The following DDX60 variants were observed in gnomAD, a reference collection of about 807,000 sequenced individuals.
DDX60 encodes the protein probable ATP-dependent RNA helicase DDX60.
Under a neutral mutation model 212.8 loss-of-function variants are expected in DDX60, and 165 were observed. The ratio of observed to expected loss-of-function variants is 0.78; its 90% CI spans 0.68 to 0.88. The LOEUF is 0.88. Among genes scored for constraint, DDX60 ranks in the 40% least tolerant of loss-of-function variants. The pLI is 0.00. For synonymous variants in DDX60, 703 were observed against 685.3 expected, an observed-to-expected ratio of 1.03 and a Z score of -0.40; for missense variants, 1,905 against 2,003.9, an observed-to-expected ratio of 0.95 and a Z score of 0.94.
chr4:168,254,981 G>T (rs1006232550), intron 26 of DDX60, among the ~76,000 whole-genome samples: 2 of 152,168 alleles, frequency 1.3e-5, no homozygotes, highest in Admixed American at 1.3e-4. Context: ...GGCAAAGGAA[G>T]AACATTGAGC....
intron 25 of DDX60, among the ~76,000 whole-genome samples, chr4:168,258,154 A>G (rs1734490128): frequency 1.3e-5 from 1 of 74,616 alleles, no homozygotes; most frequent in Non-Finnish European, 2.9e-5. Context: ...ACAAGAATGA[A>G]TGCGACCTAG....
intron 1 of DDX60, among the ~76,000 whole-genome samples, chr4:168,317,607 G>A (rs1441116635): frequency 1.3e-5 from 2 of 152,156 alleles, no homozygotes; most frequent in Non-Finnish European, 2.9e-5. Flanking sequence ...ATGGCTTCCA[G>A]TACCCGGTAT....
chr4:168,286,001 A>T (rs1393813226), intron 10 of DDX60, among the ~76,000 whole-genome samples: 2 of 141,546 alleles, frequency 1.4e-5, no homozygotes, highest in South Asian at 2.5e-4. Flanking sequence ...AAAGAAAGAA[A>T]GGAGGGAGGG....
chr4:168,294,073 C>A, intron 6 of DDX60, 128 bp from the exon 7 acceptor site: 2 of 749,134 alleles, frequency 2.7e-6, no homozygotes, highest in Non-Finnish European at 4.0e-6. Context: ...AACAAACCCC[C>A]GTGACACAAG....
intron 26 of DDX60, among the ~76,000 whole-genome samples, chr4:168,253,869 T>A (rs1013976738): frequency 6.6e-6 from 1 of 152,214 alleles, no homozygotes; most frequent in Non-Finnish European, 1.5e-5. Context: ...CAATGTAACA[T>A]GCACCCAAGT....
chr4:168,312,727 C>CAGAT (rs61439775), intron 1 of DDX60, among the ~76,000 whole-genome samples: 2,171 of 150,054 alleles, frequency 0.014, 55 homozygotes, highest in African/African-American at 0.051. Flanking sequence ...GATGGATACA[C>CAGAT]AGATAGATAG....
chr4:168,220,947 G>T (rs1733030039), intron 36 of DDX60, among the ~76,000 whole-genome samples: 1 of 152,056 alleles, frequency 6.6e-6, no homozygotes, highest in East Asian at 1.9e-4. Flanking sequence ...AAAATAGGAG[G>T]CTGGCCATCT....
chr4:168,312,772 T>G (rs1386574824), intron 1 of DDX60, among the ~76,000 whole-genome samples: 1 of 91,474 alleles, frequency 1.1e-5, no homozygotes, highest in East Asian at 2.5e-4. Flanking sequence ...GAGATTCCTA[T>G]TCCATGATAG....
At chr4:168,321,589 T>C (rs1737611355), upstream of DDX60, among the ~76,000 whole-genome samples, 1 of 152,192 alleles carries the variant, frequency 6.6e-6, no homozygotes, top group African/African-American at 2.4e-5. Flanking sequence ...TTTTAAATGA[T>C]AGACCATCTC....
In DDX60 at chr4:168,276,017, G is replaced by C. The variant is rs770495011; in HGVS notation, c.2143C>G (p.Gln715Glu). The C allele has an allele frequency of 4.3e-6, 7 of 1,609,276 alleles. No individual in the cohort carries two copies. Among genetic ancestry groups the C allele is most frequent in the Non-Finnish European group, 5.9e-6 (7 of 1,177,176 alleles). Residue 715 changes from glutamine to glutamate, a missense_variant and splice_region_variant, in exon 15 of 38, where the codon CAG becomes GAG. Coordinates refer to ENST00000393743, the MANE Select transcript of DDX60 (RefSeq NM_017631.6). ...DELASSLHPA[Q>E]DAENDVKVKK... ...TTGAGCTATTCTGATAATATTACCTGGGCTGGATGTAAAGAACTTGCCAAC... is the reference window on the plus strand; with the variant it reads ...TTGAGCTATTCTGATAATATTACCTCGGCTGGATGTAAAGAACTTGCCAAC...
At chr4:168,239,774 G>A (rs1041859975) in intron 30 of DDX60, among the ~76,000 whole-genome samples, 1 of 152,052 alleles carries the variant, frequency 6.6e-6, no homozygotes, top group Non-Finnish European at 1.5e-5. Flanking sequence ...AGAGGAAGAA[G>A]TGAGTTTTAC....
intron 30 of DDX60, among the ~76,000 whole-genome samples, chr4:168,238,911 T>C (rs549323126): frequency 6.6e-6 from 1 of 152,118 alleles, no homozygotes; most frequent in Non-Finnish European, 1.5e-5. Context: ...CACTGATATT[T>C]GGGCCAAAAA....
intron 8 of DDX60, among the ~76,000 whole-genome samples, chr4:168,291,452 CCA>C (rs1736096788): frequency 6.6e-6 from 1 of 152,138 alleles, no homozygotes; most frequent in South Asian, 2.1e-4. Flanking sequence ...TAAGAGCAGA[CCA>C]CAGTGATCAC....
chr4:168,237,761 A>C lies in DDX60; in HGVS notation c.4199T>G (p.Phe1400Cys). 1 of 1,611,832 alleles carries C rather than the reference A, an allele frequency of 6.2e-7. No homozygotes were observed. The highest frequency in any genetic ancestry group is 8.5e-7 in the Non-Finnish European group (1 of 1,178,850). ...LSVLKHSLLS[F>C]KQPRVMDMLK... ...CATGTCCATGACTCTGGGTTGCTTG[A>C]AGGACAGCAATGAATGCTTTAGCAC... is the stretch of plus-strand genomic sequence containing the variant. Residue 1400 changes from phenylalanine to cysteine, a missense_variant, in exon 31 of 38, where the codon TTC becomes TGC. By Grantham distance (205) the Phe-to-Cys change is radical (BLOSUM62 -2). Coordinates refer to ENST00000393743, the MANE Select transcript of DDX60 (RefSeq NM_017631.6).
upstream of DDX60, chr4:168,318,795 G>A (rs886963731): frequency 9.8e-5 from 15 of 152,300 alleles, no homozygotes; most frequent in African/African-American, 3.1e-4. Context: ...TCCGGCGGGA[G>A]TTTCGGTTTC....
At position 168,244,746 on chromosome 4, in the gene DDX60, A is replaced by G. The variant is rs188670891; in HGVS notation, c.4164+1672T>C. 1.1e-3 allele frequency among the ~76,000 whole-genome samples: 157 copies of G among 142,870 alleles called. 4 individuals are homozygous for G. In the East Asian group the frequency reaches 0.019, roughly 17 times the overall value. 93.7% of individuals were successfully genotyped at this position (142,870 alleles called of 152,430 possible). A position where few individuals can be genotyped will look rare whatever the true frequency, so the allele number is the denominator to read the frequency against. ...TCTCAAAAAAGAAAAGAAAAAAGAA[A>G]GAAAAAAAAAGAATTTCAGGAAAAC... On this transcript the variant is annotated intron_variant, in intron 30 of 37. Transcript: ENST00000393743.
intron 33 of DDX60, among the ~76,000 whole-genome samples, chr4:168,233,944 T>C (rs920290295): frequency 6.6e-6 from 1 of 152,138 alleles, no homozygotes; most frequent in Non-Finnish European, 1.5e-5. Context: ...GCATGTCTAA[T>C]ATGATTCTAG....
At chr4:168,289,369 G>A (rs1479795290) in intron 8 of DDX60, among the ~76,000 whole-genome samples, 2 of 152,024 alleles carry the variant, frequency 1.3e-5, no homozygotes, top group Non-Finnish European at 2.9e-5. Context: ...CATTCTCCTT[G>A]ATTTTATTCC....
chr4:168,255,887 G>C lies in DDX60; in HGVS notation c.3399-18C>G. 1 of 1,565,712 alleles carries C rather than the reference G, an allele frequency of 6.4e-7. No individual in the cohort carries two copies. The stretch of plus-strand genomic sequence containing the variant: ...ACTTGAATCTGGAAATAAAAAGAAT[G>C]TGCGCCTTGAAAATAACATCATAAA... On this transcript the variant is annotated intron_variant, in intron 25 of 37. Coordinates refer to ENST00000393743, the MANE Select transcript of DDX60 (RefSeq NM_017631.6).
Sources: allele counts gnomAD v4.1 joint callset (sites outside exome capture counted in the v4.1 genomes callset), GRCh38; gene constraint gnomAD v4.1.1; transcripts MANE v1.5; gene names NCBI Gene and HGNC (gene_info 2026-07-23, HGNC 2026-07-21).